The following HIVEP3 variants were observed in gnomAD, a reference collection of about 807,000 sequenced individuals.
HIVEP3 encodes the protein HIVEP zinc finger 3.
In HIVEP3, 49 loss-of-function variants were observed where a neutral mutation model predicts 152.8. That is an observed-to-expected ratio of 0.32 (90% CI 0.26 to 0.41). HIVEP3 has a LOEUF of 0.41. HIVEP3 is among the 10% of genes least tolerant of loss of function. HIVEP3 has a pLI of 1.00. For missense variants in HIVEP3, 2,790 were observed against 3,103.3 expected (o/e 0.90, Z 2.40); for synonymous variants, 1,269 against 1,289.0 (o/e 0.98, Z 0.33).
chr1:41,694,034 A>T (rs1330305006), intron 2 of HIVEP3, among the ~76,000 whole-genome samples: 2 of 152,110 alleles, frequency 1.3e-5, no homozygotes, highest in Non-Finnish European at 2.9e-5. Context: ...TAGGCCATTC[A>T]TCCATGTTTA....
chr1:41,697,438 C>T (rs556048950), intron 2 of HIVEP3, among the ~76,000 whole-genome samples: 7 of 152,374 alleles, frequency 4.6e-5, no homozygotes, highest in South Asian at 4.1e-4. Flanking sequence ...TCCACGTGCA[C>T]GCCTTTCTTA....
chr1:41,997,762 T>C (rs76370120), intron 1 of HIVEP3, among the ~76,000 whole-genome samples: 1,678 of 152,312 alleles, frequency 0.011, 32 homozygotes, highest in African/African-American at 0.039. Flanking sequence ...ATGATTAACT[T>C]CCCTCAAAAT....
intron 1 of HIVEP3, among the ~76,000 whole-genome samples, chr1:42,028,017 GCTTA>G (rs1645592257): frequency 6.6e-6 from 1 of 152,102 alleles, no homozygotes; most frequent in Non-Finnish European, 1.5e-5. Context: ...TTTCTTCATG[GCTTA>G]CTTTTTCACT....
intron 1 of HIVEP3, among the ~76,000 whole-genome samples, chr1:42,015,759 G>T (rs1482245885): frequency 6.6e-6 from 1 of 152,254 alleles, no homozygotes; most frequent in African/African-American, 2.4e-5. Context: ...AATGAGTAGG[G>T]AACACCCTAG....
intron 1 of HIVEP3, among the ~76,000 whole-genome samples, chr1:41,826,408 T>TTTTG (rs922366814): frequency 4.6e-5 from 7 of 152,168 alleles, no homozygotes; most frequent in Non-Finnish European, 2.9e-5. Flanking sequence ...GCCCTGGGTG[T>TTTTG]TTTGTTTGTT....
intron 1 of HIVEP3, among the ~76,000 whole-genome samples, chr1:41,963,719 C>G (rs759724697): frequency 4.0e-5 from 6 of 151,862 alleles, no homozygotes; most frequent in Admixed American, 3.9e-4. Context: ...ATTGGTGGAA[C>G]CTAGCCTTAA....
intron 1 of HIVEP3, among the ~76,000 whole-genome samples, chr1:41,824,433 C>G (rs1321864990): frequency 6.6e-6 from 1 of 152,076 alleles, no homozygotes; most frequent in Admixed American, 6.6e-5. Context: ...AAAGGTAATG[C>G]CTCCTTTTCA....
At chr1:41,663,350 T>C (rs945012453) in intron 2 of HIVEP3, among the ~76,000 whole-genome samples, 5 of 151,972 alleles carry the variant, frequency 3.3e-5, no homozygotes, top group African/African-American at 1.2e-4. Context: ...AGGACTAGAG[T>C]GAGGTAAGTT....
intron 2 of HIVEP3, among the ~76,000 whole-genome samples, chr1:41,699,923 C>T (rs903604782): frequency 6.6e-6 from 1 of 152,088 alleles, no homozygotes; most frequent in Admixed American, 6.5e-5. Context: ...TCCTGCCGCT[C>T]TCTTGGCCTC....
intron 1 of HIVEP3, among the ~76,000 whole-genome samples, chr1:41,822,557 T>C (rs184580461): frequency 6.6e-6 from 1 of 152,150 alleles, no homozygotes; most frequent in African/African-American, 2.4e-5. Flanking sequence ...AGAATAAGAG[T>C]GGTTAGAGGT....
At chr1:41,790,583 G>T (rs971555399) in intron 1 of HIVEP3, among the ~76,000 whole-genome samples, 3 of 152,186 alleles carry the variant, frequency 2.0e-5, no homozygotes, top group African/African-American at 7.2e-5. Context: ...CTAGTGCACA[G>T]AATGTGAGGA....
At chr1:41,722,815 T>C (rs1183362050) in intron 1 of HIVEP3, among the ~76,000 whole-genome samples, 1 of 152,070 alleles carries the variant, frequency 6.6e-6, no homozygotes, top group East Asian at 1.9e-4. Flanking sequence ...TTCTGGGAAA[T>C]GGCATCTAAA....
chr1:41,582,347 G>T lies in HIVEP3; in HGVS notation c.2451C>A (p.Gly817=). Residue 817 remains glycine (G), a synonymous_variant, in exon 4 of 9, where the codon GGC becomes GGA. Transcript: ENST00000372583. The surrounding 1 kb of genome is among the most constrained non-coding windows in gnomAD (Gnocchi z 4.7). ...EKSDSLEQPS[G]LEGEDKPLAQ... ...CCAGAGGTTTGTCTTCCCCTTCCAA[G>T]CCACTCGGCTGCTCGAGAGAATCAG... 1.2e-6 allele frequency: 2 copies of T among 1,614,150 alleles called. No homozygotes were observed. Among genetic ancestry groups the T allele is most frequent in the Non-Finnish European group, 1.7e-6 (2 of 1,179,998 alleles).
At chr1:41,882,410 C>A (rs1214715643) in intron 1 of HIVEP3, among the ~76,000 whole-genome samples, 3 of 152,218 alleles carry the variant, frequency 2.0e-5, no homozygotes, top group Admixed American at 2.0e-4. Context: ...CCAGCCCCTG[C>A]ATGGGACAGG....
intron 1 of HIVEP3, among the ~76,000 whole-genome samples, chr1:41,832,220 G>A (rs1642984117): frequency 4.6e-5 from 7 of 152,162 alleles, no homozygotes; most frequent in Admixed American, 3.3e-4. Context: ...GCAAATGCTG[G>A]CAATGAGACC....
intron 3 of HIVEP3, among the ~76,000 whole-genome samples, chr1:41,596,860 A>G (rs1644672809): frequency 6.6e-6 from 1 of 152,146 alleles, no homozygotes; most frequent in Non-Finnish European, 1.5e-5. Context: ...GAGATCCTCC[A>G]GGAAGTCTTC....
chr1:41,852,126 C>T (rs1012475990), intron 1 of HIVEP3, among the ~76,000 whole-genome samples: 1 of 152,260 alleles, frequency 6.6e-6, no homozygotes, highest in South Asian at 2.1e-4. Context: ...TGAAATTTCT[C>T]GGCATGCATC....
chr1:41,620,768 A>G (rs1400210732), intron 3 of HIVEP3, among the ~76,000 whole-genome samples: 1 of 152,116 alleles, frequency 6.6e-6, no homozygotes, highest in Non-Finnish European at 1.5e-5. Flanking sequence ...TTGTCCTCAT[A>G]GCACCCATTC....
At chr1:41,586,389 T>C (rs906622597) in intron 3 of HIVEP3, among the ~76,000 whole-genome samples, 3 of 152,188 alleles carry the variant, frequency 2.0e-5, no homozygotes, top group African/African-American at 7.2e-5. Context: ...TTACTGAAGG[T>C]CCCGTGTTGC....
Sources: allele counts gnomAD v4.1 joint callset (sites outside exome capture counted in the v4.1 genomes callset), GRCh38; gene constraint gnomAD v4.1.1; non-coding constraint Gnocchi (gnomAD v3.1); transcripts MANE v1.5; gene names NCBI Gene and HGNC (gene_info 2026-07-23, HGNC 2026-07-21).